Variants in NSMCE1 observed in about 807,000 individuals in gnomAD.
NSMCE1 encodes the protein NSE1 component of SMC5/6 complex.
Under a neutral mutation model 29.6 loss-of-function variants are expected in NSMCE1, and 18 were observed. The ratio of observed to expected loss-of-function variants is 0.61; its 90% CI spans 0.42 to 0.90. The LOEUF (loss-of-function observed/expected upper bound fraction) is 0.90, where lower values mean the gene tolerates loss of function less well. Among genes scored for constraint, NSMCE1 ranks in the 40% least tolerant of loss-of-function variants. NSMCE1 has a pLI of 0.00. For synonymous variants in NSMCE1, 124 were observed against 133.4 expected, an observed-to-expected ratio of 0.93 and a Z score of 0.49; for missense variants, 314 against 343.6, an observed-to-expected ratio of 0.91 and a Z score of 0.68.
intron 2 of NSMCE1, among the ~76,000 whole-genome samples, chr16:27,247,715 A>T (rs2083972328): frequency 6.6e-6 from 1 of 152,114 alleles, no homozygotes; most frequent in African/African-American, 2.4e-5. Context: ...TCACGAGGTG[A>T]GGGGATCAAT....
chr16:27,228,139 C>T (rs2083722212), intron 5 of NSMCE1, among the ~76,000 whole-genome samples: 1 of 152,138 alleles, frequency 6.6e-6, no homozygotes, highest in Non-Finnish European at 1.5e-5. Context: ...TTCATCCCCA[C>T]AGTGCAATGT....
intron 2 of NSMCE1, among the ~76,000 whole-genome samples, chr16:27,252,750 C>T (rs2084048139): frequency 6.6e-6 from 1 of 152,062 alleles, no homozygotes; most frequent in African/African-American, 2.4e-5. Context: ...GAAACCCCAT[C>T]TCTACTAAAA....
At chr16:27,237,119 C>T (rs963995860) in intron 2 of NSMCE1, among the ~76,000 whole-genome samples, 12 of 152,164 alleles carry the variant, frequency 7.9e-5, no homozygotes, top group African/African-American at 2.7e-4. Context: ...CCATGCTCAG[C>T]GAGGAGCTAA....
intron 2 of NSMCE1, chr16:27,242,009 AATG>A (rs1398257378): frequency 3.0e-6 from 1 of 335,864 alleles, no homozygotes; most frequent in African/African-American, 2.1e-5. Flanking sequence ...ATATACATGC[AATG>A]ATGTTGAGAA....
At chr16:27,241,922 C>A in intron 2 of NSMCE1, 1 of 422,710 alleles carries the variant, frequency 2.4e-6, no homozygotes, top group Non-Finnish European at 4.8e-6. Context: ...AAAGTCTAGA[C>A]CAGAAATCAG....
In NSMCE1 at chr16:27,225,735, C is replaced by T. The variant is rs778075399; in HGVS notation, c.712G>A (p.Glu238Lys). The T allele has an allele frequency of 5.0e-6, 8 of 1,614,004 alleles. No homozygotes were observed. The highest frequency in any genetic ancestry group is 1.6e-4 in the Middle Eastern group (1 of 6,068). Residue 238 changes from glutamate (E) to lysine (K), a missense_variant, in exon 7 of 8, where the codon GAG (glutamate) becomes AAG (lysine). Transcript: ENST00000361439. ...CPHCNDYWPH[E>K]IPKVFDPEKE... ...CTCAGGGCCCACGCACTTGGGATCT[C>T]GTGGGGCCAGTAGTCGTTGCAGTGG...
At chr16:27,260,610 T>C (rs56763897) in intron 1 of NSMCE1, among the ~76,000 whole-genome samples, 5,072 of 152,100 alleles carry the variant, frequency 0.033, 201 homozygotes, top group African/African-American at 0.089. Context: ...TCTACCTCTA[T>C]ATTATAAGAG....
intron 1 of NSMCE1, among the ~76,000 whole-genome samples, chr16:27,259,897 G>C (rs531743361): frequency 5.9e-5 from 9 of 152,138 alleles, no homozygotes; most frequent in Admixed American, 5.9e-4. Flanking sequence ...TGCTGGGAGC[G>C]GGTGTCTCAA....
intron 5 of NSMCE1, among the ~76,000 whole-genome samples, chr16:27,227,820 T>C (rs1322221925): frequency 6.7e-6 from 1 of 150,142 alleles, no homozygotes; most frequent in African/African-American, 2.5e-5. Flanking sequence ...AGTTTTGCTC[T>C]TGTTGCCCAG....
intron 2 of NSMCE1, chr16:27,241,894 G>A (rs1206745585): frequency 2.2e-6 from 1 of 451,368 alleles, no homozygotes; most frequent in East Asian, 7.0e-5. Context: ...ACATACCTAA[G>A]ACGGGACAGG....
chr16:27,251,189 T>TATATATATATAA (rs1459861130), intron 2 of NSMCE1, among the ~76,000 whole-genome samples: 1,973 of 58,438 alleles, frequency 0.034, 52 homozygotes, highest in East Asian at 0.084. Context: ...TATATATATA[T>TATATATATATAA]AAATATATAT....
rs554324438 is a variant in NSMCE1, at chr16:27,225,767, C to T, written c.680G>A (p.Arg227His). 7 of 1,614,158 alleles carry T rather than the reference C, an allele frequency of 4.3e-6. No individual in the cohort carries two copies. The highest frequency in any genetic ancestry group is 3.3e-5 in the South Asian group (3 of 91,088). Residue 227 changes from arginine (R) to histidine (H), a missense_variant, in exon 7 of 8, where the codon CGC (arginine) becomes CAC (histidine). Transcript: ENST00000361439. ...AKYFQSNAEP[R>H]CPHCNDYWPH... ...CCAGTAGTCGTTGCAGTGGGGGCAGCGCGGTTCAGCATTCGACTGGAAGTA... is the reference window on the plus strand; with the variant it reads ...CCAGTAGTCGTTGCAGTGGGGGCAGTGCGGTTCAGCATTCGACTGGAAGTA...
intron 1 of NSMCE1, chr16:27,266,476 G>C (rs2084226167): frequency 6.6e-6 from 1 of 152,034 alleles, no homozygotes; most frequent in Non-Finnish European, 1.5e-5. Flanking sequence ...AATCAGCCAG[G>C]CGTGGTGGTG....
Position 27,251,189 on chromosome 16 carries a change from T to TATAA in NSMCE1, c.136+6245_136+6246insTTAT, listed in dbSNP as rs1459861130. Among the ~76,000 whole-genome samples the TATAA allele has an allele frequency of 3.1e-3, 182 of 58,778 alleles. 5 individuals carry two copies. Among genetic ancestry groups the TATAA allele is most frequent in the South Asian group, 4.9e-3 (9 of 1,838 alleles). The allele number at this position is 58,778 out of a possible 152,430, so 38.6% of individuals were successfully genotyped here. A position where few individuals can be genotyped will look rare whatever the true frequency, so the allele number is the denominator to read the frequency against. Reference sequence around the variant, plus strand: ...ATATATATATATATATATATATATATAAATATATATATATATATAAAACTC... The same window carrying TATAA: ...ATATATATATATATATATATATATATATAAAAATATATATATATATATAAAACTC... On this transcript the variant is annotated intron_variant, in intron 2 of 7. Coordinates refer to ENST00000361439, the MANE Select transcript of NSMCE1 (RefSeq NM_145080.4).
At chr16:27,228,927 C>A (rs1230513106) in intron 5 of NSMCE1, among the ~76,000 whole-genome samples, 1 of 151,934 alleles carries the variant, frequency 6.6e-6, no homozygotes, top group Non-Finnish European at 1.5e-5. Context: ...ACCTCCCCGG[C>A]CTCCACCCTC....
At chr16:27,255,378 C>T (rs2084076364) in intron 2 of NSMCE1, among the ~76,000 whole-genome samples, 1 of 152,132 alleles carries the variant, frequency 6.6e-6, no homozygotes, top group Non-Finnish European at 1.5e-5. Flanking sequence ...CCACACTGTC[C>T]GCAGAAGTAA....
intron 6 of NSMCE1, 27 bp downstream of exon 6, chr16:27,226,693 A>C (rs552682799): frequency 1.6e-5 from 24 of 1,460,764 alleles, no homozygotes; most frequent in Non-Finnish European, 2.2e-5. Context: ...CCCAGTGATG[A>C]GCTCCCGTGC....
chr16:27,252,503 G>A (rs1226290880), intron 2 of NSMCE1, among the ~76,000 whole-genome samples: 1 of 152,212 alleles, frequency 6.6e-6, no homozygotes, highest in South Asian at 2.1e-4. Flanking sequence ...CTGAAACTGG[G>A]CTGGGTGCAG....
chr16:27,262,286 G>A (rs2084167543), intron 1 of NSMCE1, among the ~76,000 whole-genome samples: 1 of 150,926 alleles, frequency 6.6e-6, no homozygotes. Context: ...AACAGAGCCT[G>A]AATAGCGAAA....
Sources: gnomAD v4.1 joint callset for allele counts (sites outside exome capture counted in the v4.1 genomes callset) on GRCh38, gnomAD v4.1.1 for gene constraint, MANE v1.5 for transcripts, NCBI Gene and HGNC (gene_info 2026-07-23, HGNC 2026-07-21) for gene names.